Variants in TAFA1 observed in about 807,000 individuals in gnomAD.
TAFA1 encodes TAFA chemokine like family member 1, also known as chemokine-like protein TAFA-1.
TAFA1 carries 4 observed loss-of-function variants against 18.5 expected under a neutral mutation model. The ratio of observed to expected loss-of-function variants is 0.22; its 90% CI spans 0.11 to 0.49. The LOEUF (loss-of-function observed/expected upper bound fraction) is 0.49. Ranked by LOEUF, TAFA1 falls within the 20% of genes least tolerant of loss-of-function variation. TAFA1 has a pLI of 0.98. For missense variants in TAFA1, 147 were observed against 169.0 expected, an observed-to-expected ratio of 0.87 and a Z score of 0.72; for synonymous variants, 56 against 55.2, an observed-to-expected ratio of 1.01 and a Z score of -0.06.
chr3:68,378,531 G>A (rs2069865635), intron 2 of TAFA1, among the ~76,000 whole-genome samples: 1 of 152,134 alleles, frequency 6.6e-6, no homozygotes, highest in Non-Finnish European at 1.5e-5. Context: ...TCTCGGATGA[G>A]ACTTTGGACT....
chr3:68,483,342 G>A (rs751323566), intron 3 of TAFA1, among the ~76,000 whole-genome samples: 1 of 152,070 alleles, frequency 6.6e-6, no homozygotes, highest in Non-Finnish European at 1.5e-5. Flanking sequence ...CTCGTAGCAG[G>A]GAATTAATCA....
chr3:68,460,865 T>C (rs1329313640), intron 3 of TAFA1, among the ~76,000 whole-genome samples: 1 of 152,224 alleles, frequency 6.6e-6, no homozygotes, highest in Non-Finnish European at 1.5e-5. Flanking sequence ...ACTAGAACTT[T>C]TCCTTCAAAT....
intron 3 of TAFA1, among the ~76,000 whole-genome samples, chr3:68,505,346 T>C (rs2072729361): frequency 6.6e-6 from 1 of 152,198 alleles, no homozygotes; most frequent in Admixed American, 6.6e-5. Context: ...GTGAGCATGG[T>C]TGTAACCTTA....
intron 3 of TAFA1, among the ~76,000 whole-genome samples, chr3:68,476,774 T>C (rs371066755): frequency 6.6e-6 from 1 of 152,310 alleles, no homozygotes. Context: ...ATAGAACCCA[T>C]TTGTAACCAG....
At chr3:68,300,241 C>T (rs2068278822) in intron 2 of TAFA1, among the ~76,000 whole-genome samples, 2 of 151,328 alleles carry the variant, frequency 1.3e-5, no homozygotes, top group South Asian at 2.1e-4. Context: ...AGGAGCCCAC[C>T]TCTTGTATAA....
chr3:68,443,498 A>G (rs916713999), intron 3 of TAFA1, among the ~76,000 whole-genome samples: 3 of 147,132 alleles, frequency 2.0e-5, no homozygotes, highest in African/African-American at 7.7e-5. Context: ...AAAAAAAAAC[A>G]AAAAAAAAGA....
Position 68,536,545 on chromosome 3 carries a change from A to T in TAFA1, c.260-2211A>T, listed in dbSNP as rs78760034. On this transcript the variant is annotated intron_variant, in intron 3 of 4. Coordinates refer to ENST00000478136, the MANE Select transcript of TAFA1 (RefSeq NM_213609.4). ...CAAACACCTGGCTGACATTTTGAGG[A>T]TTCTGAATGGGAAATGCCCAGGTGG... 1.9e-3 allele frequency among the ~76,000 whole-genome samples: 293 copies of T among 152,272 alleles called. 4 individuals are homozygous for T. Among genetic ancestry groups the T allele is most frequent in the African/African-American group, 6.8e-3 (282 of 41,554 alleles).
intron 2 of TAFA1, among the ~76,000 whole-genome samples, chr3:68,219,086 C>T (rs2066699333): frequency 6.6e-6 from 1 of 151,524 alleles, no homozygotes; most frequent in Non-Finnish European, 1.5e-5. Context: ...CTCTTCATTG[C>T]TTTTTAGCCT....
At chr3:68,365,046 C>T (rs559369785) in intron 2 of TAFA1, among the ~76,000 whole-genome samples, 35 of 152,194 alleles carry the variant, frequency 2.3e-4, no homozygotes, top group African/African-American at 8.0e-4. Flanking sequence ...AGCTGAAAGA[C>T]TCGTTTATTG....
intron 2 of TAFA1, among the ~76,000 whole-genome samples, chr3:68,265,866 G>T (rs540168107): frequency 5.0e-4 from 76 of 152,254 alleles, no homozygotes; most frequent in Admixed American, 1.3e-3. Context: ...TTTCTCTGGG[G>T]CACTGCACAG....
At chr3:68,468,373 G>A (rs2071929132) in intron 3 of TAFA1, among the ~76,000 whole-genome samples, 1 of 152,186 alleles carries the variant, frequency 6.6e-6, no homozygotes, top group South Asian at 2.1e-4. Flanking sequence ...TCAATCCTAT[G>A]TGTGCCTCTG....
chr3:68,252,413 C>A (rs2067214132), intron 2 of TAFA1, among the ~76,000 whole-genome samples: 1 of 152,132 alleles, frequency 6.6e-6, no homozygotes, highest in Admixed American at 6.5e-5. Flanking sequence ...AAAAAAATTA[C>A]ATCAAATTAT....
At chr3:68,223,036 T>C (rs980252549) in intron 2 of TAFA1, among the ~76,000 whole-genome samples, 21 of 152,166 alleles carry the variant, frequency 1.4e-4, no homozygotes, top group African/African-American at 1.2e-4. Context: ...GGCATTTTTT[T>C]CCCACAAATA....
intron 2 of TAFA1, among the ~76,000 whole-genome samples, chr3:68,074,436 G>T (rs541710118): frequency 9.2e-5 from 14 of 152,222 alleles, no homozygotes; most frequent in African/African-American, 3.4e-4. Flanking sequence ...TCCTGAGGTT[G>T]TATCCCAGTG....
At chr3:68,220,356 C>T (rs2066714266) in intron 2 of TAFA1, among the ~76,000 whole-genome samples, 1 of 152,082 alleles carries the variant, frequency 6.6e-6, no homozygotes. Flanking sequence ...AATAAAATCT[C>T]ACAGATAAGG....
rs183119848 is a variant in TAFA1, at chr3:68,028,660, C to T, written c.118+21916C>T. On this transcript the variant is annotated intron_variant, in intron 2 of 4. Coordinates refer to ENST00000478136, the MANE Select transcript of TAFA1 (RefSeq NM_213609.4). ...TGACTTGTGGATTGACTTGTGGCTG[C>T]CATATCACTCCAATCTTGGCCTCCA... 2.6e-3 allele frequency among the ~76,000 whole-genome samples: 402 copies of T among 152,184 alleles called. 3 individuals carry two copies. The highest frequency in any genetic ancestry group is 9.3e-3 in the African/African-American group (386 of 41,548).
chr3:68,015,013 A>G (rs193003495), intron 2 of TAFA1, among the ~76,000 whole-genome samples: 23 of 152,218 alleles, frequency 1.5e-4, no homozygotes, highest in Admixed American at 1.2e-3. Flanking sequence ...ATTTTATCAA[A>G]TATCTTTATG....
At chr3:68,417,600 G>A (rs2070864862) in intron 3 of TAFA1, 180 bp downstream of exon 3, 3 of 617,480 alleles carry the variant, frequency 4.9e-6, no homozygotes, top group Non-Finnish European at 8.1e-6. Flanking sequence ...GCTATTATTT[G>A]AATGTTTTTT....
intron 2 of TAFA1, among the ~76,000 whole-genome samples, chr3:68,123,878 CAAAAAAAAAAA>C (rs758966848): frequency 1.4e-5 from 1 of 72,128 alleles, no homozygotes; most frequent in African/African-American, 6.4e-5. Context: ...CTTTTTTTTC[CAAAAAAAAAAA>C]AAAAAAAAAA....
Sources: gnomAD v4.1 joint callset for allele counts (sites outside exome capture counted in the v4.1 genomes callset) on GRCh38, gnomAD v4.1.1 for gene constraint, MANE v1.5 for transcripts, NCBI Gene and HGNC (gene_info 2026-07-23, HGNC 2026-07-21) for gene names.